Variants in ZNF91 observed in about 807,000 individuals in gnomAD.
The protein encoded by ZNF91 is zinc finger protein 91.
Under a neutral mutation model 12.6 loss-of-function variants are expected in ZNF91, and 7 were observed. The observed-to-expected ratio is 0.55, with a 90% CI of 0.31 to 1.04. The LOEUF (loss-of-function observed/expected upper bound fraction) is 1.04. ZNF91 is among the 50% of genes least tolerant of loss of function. ZNF91 has a pLI of 0.05. For missense variants in ZNF91, 1,217 were observed against 1,385.4 expected (o/e 0.88, Z 1.93); for synonymous variants, 453 against 462.6 (o/e 0.98, Z 0.27).
At chr19:23,323,332 C>T (rs1246310571) in intron 1 of ZNF91, among the ~76,000 whole-genome samples, 2 of 144,010 alleles carry the variant, frequency 1.4e-5, no homozygotes, top group East Asian at 2.2e-4. Flanking sequence ...ATCTTCTCCT[C>T]GTCCTCCTCC....
intron 1 of ZNF91, among the ~76,000 whole-genome samples, chr19:23,323,572 TCTC>T (rs1353111669): frequency 6.7e-6 from 1 of 148,870 alleles, no homozygotes; most frequent in African/African-American, 2.5e-5. Context: ...CTTTTCCTCT[TCTC>T]TTCCTCCCAT....
At chr19:23,375,440 T>C (rs996500524) in intron 1 of ZNF91, among the ~76,000 whole-genome samples, 1 of 152,232 alleles carries the variant, frequency 6.6e-6, no homozygotes, top group East Asian at 1.9e-4. Context: ...ATTACAGGCA[T>C]GAGCCACCAT....
At chr19:23,375,989 G>A (rs1156462314) in intron 1 of ZNF91, among the ~76,000 whole-genome samples, 4 of 152,112 alleles carry the variant, frequency 2.6e-5, no homozygotes, top group Non-Finnish European at 4.4e-5. Flanking sequence ...GGTATCTTCC[G>A]TGTTCTACAA....
intron 1 of ZNF91, among the ~76,000 whole-genome samples, chr19:23,322,363 T>C (rs1967714234): frequency 6.6e-6 from 1 of 152,142 alleles, no homozygotes; most frequent in African/African-American, 2.4e-5. Flanking sequence ...TTGTGATGTA[T>C]CACTAGGCCC....
Position 23,358,911 on chromosome 19 carries a change from G to T in ZNF91, c.*492C>A. 4.4e-6 allele frequency: 1 copy of T among 227,598 alleles called. No individual in the cohort carries two copies. Among genetic ancestry groups the T allele is most frequent in the Non-Finnish European group, 9.2e-6 (1 of 108,660 alleles). The allele number at this position is 227,598 out of a possible 1,614,324, so 14.1% of individuals were successfully genotyped here. A position where few individuals can be genotyped will look rare whatever the true frequency, so the allele number is the denominator to read the frequency against. On this transcript the variant is annotated 3_prime_UTR_variant, in exon 4 of 4. Coordinates refer to ENST00000300619, the MANE Select transcript of ZNF91 (RefSeq NM_003430.4). Reference sequence around the variant, plus strand: ...TAATATTATGTCTGTTAAGAATTCAGGACTTTTTATAGACTTTACCACATT... The same window carrying T: ...TAATATTATGTCTGTTAAGAATTCATGACTTTTTATAGACTTTACCACATT...
At chr19:23,315,865 A>C (rs1042317226) in intron 1 of ZNF91, among the ~76,000 whole-genome samples, 1 of 152,076 alleles carries the variant, frequency 6.6e-6, no homozygotes, top group African/African-American at 2.4e-5. Context: ...GAACCTAAGT[A>C]ATGTGACTCT....
rs1369086504 is a variant in ZNF91 at position 23,368,560 on chromosome 19, C to CTATA, written c.253+5181_253+5182insTATA. On this transcript the variant is annotated intron_variant, in intron 3 of 3. Transcript: ENST00000300619. ...TCTCTCTCTCTCTCTCTCTCTCTCT[C>CTATA]TCTATATATATATGAAACACATGAC... Among the ~76,000 whole-genome samples, 363 of 117,470 alleles carry CTATA rather than the reference C, an allele frequency of 3.1e-3. 1 individual carries two copies. Among genetic ancestry groups the CTATA allele is most frequent in the East Asian group, 0.014 (46 of 3,286 alleles). 77.1% of individuals were successfully genotyped at this position (117,470 alleles called of 152,430 possible).
intron 3 of ZNF91, among the ~76,000 whole-genome samples, chr19:23,340,746 ATAT>A (rs1369226540): frequency 4.7e-5 from 7 of 150,340 alleles, no homozygotes; most frequent in South Asian, 4.2e-4. Context: ...ATTATTTATT[ATAT>A]TATTATTATA....
chr19:23,362,952 C>T (rs776339076), intron 3 of ZNF91, among the ~76,000 whole-genome samples: 13 of 152,094 alleles, frequency 8.5e-5, no homozygotes, highest in Non-Finnish European at 1.8e-4. Flanking sequence ...TGGCTCACAG[C>T]AAGCCCTGCC....
intron 1 of ZNF91, chr19:23,328,339 T>A (rs1195239860): frequency 6.6e-6 from 1 of 152,168 alleles, no homozygotes; most frequent in Admixed American, 6.5e-5. Flanking sequence ...AAGGAAGGCA[T>A]CCTGTGGAAG....
intron 3 of ZNF91, among the ~76,000 whole-genome samples, chr19:23,349,422 T>G (rs1320054495): frequency 6.6e-6 from 1 of 152,136 alleles, no homozygotes; most frequent in Non-Finnish European, 1.5e-5. Context: ...ATTGAAATAT[T>G]GGGGGCTGGT....
Position 23,362,201 on chromosome 19 carries a change from A to G in ZNF91, c.778T>C (p.Cys260Arg). The G allele has an allele frequency of 6.2e-7, 1 of 1,611,252 alleles. No homozygotes were observed. The change falls in exon 4 of 4, where the codon TGT becomes CGT. Residue 260 changes from cysteine to arginine, a missense_variant. This residue lies in a region of ZNF91 where 726 missense variants were observed against 895.5 expected (regional missense o/e 0.81). Transcript: ENST00000300619. ...LSTLTTHKII[C>R]AKEKIYKCEE... is the part of the protein sequence containing the mutation. ...CACTTGTAGATTTTCTCTTTAGCACAGATTATTTTATGTGTAGTAAGGGTT... is the reference window on the plus strand; with the variant it reads ...CACTTGTAGATTTTCTCTTTAGCACGGATTATTTTATGTGTAGTAAGGGTT...
downstream of ZNF91, among the ~76,000 whole-genome samples, chr19:23,354,309 A>C (rs1043005013): frequency 3.9e-5 from 6 of 152,208 alleles, no homozygotes; most frequent in African/African-American, 1.4e-4. Context: ...GGGATGGTTT[A>C]ACACACACAA....
chr19:23,354,491 A>G (rs1310693226), downstream of ZNF91, among the ~76,000 whole-genome samples: 1 of 152,204 alleles, frequency 6.6e-6, no homozygotes, highest in Non-Finnish European at 1.5e-5. Context: ...AAAGCTATCT[A>G]TGACAAGCCC....
intron 1 of ZNF91, among the ~76,000 whole-genome samples, chr19:23,323,294 CCTT>C (rs796582799): frequency 3.8e-4 from 55 of 146,000 alleles, no homozygotes; most frequent in South Asian, 1.4e-3. Context: ...CTCCTCCCCT[CCTT>C]CTCTTCCTCA....
In ZNF91 at chr19:23,331,119, G is replaced by A. The variant is rs114715926; in HGVS notation, n.117-22022C>T. ...TCCTAAATATTTGTGTATTTGCACT[G>A]TTATAGTGCTGCTTCCTCAAGGCCC... is the stretch of plus-strand genomic sequence containing the variant. On this transcript the variant is annotated intron_variant and non_coding_transcript_variant, in intron 1 of 1. Coordinates refer to the ZNF91 transcript ENST00000596528. 5.0e-3 allele frequency among the ~76,000 whole-genome samples: 768 copies of A among 152,248 alleles called. 3 individuals carry two copies. The highest frequency in any genetic ancestry group is 0.018 in the African/African-American group (742 of 41,542).
At chr19:23,379,204 C>T (rs1049432130) in intron 1 of ZNF91, among the ~76,000 whole-genome samples, 4 of 152,094 alleles carry the variant, frequency 2.6e-5, no homozygotes, top group Non-Finnish European at 4.4e-5. Flanking sequence ...AATGAAACTA[C>T]CAAATAGGCA....
intron 1 of ZNF91, among the ~76,000 whole-genome samples, chr19:23,384,375 C>A (rs995668045): frequency 6.6e-6 from 1 of 152,156 alleles, no homozygotes; most frequent in African/African-American, 2.4e-5. Context: ...TCACCGCCCA[C>A]CACGCCGGAA....
intron 3 of ZNF91, among the ~76,000 whole-genome samples, chr19:23,370,381 C>T (rs1969227435): frequency 6.6e-6 from 1 of 152,132 alleles, no homozygotes. Context: ...TTGTCAAGGG[C>T]TAGAGAGAGC....
Sources: gnomAD v4.1 joint callset for allele counts (sites outside exome capture counted in the v4.1 genomes callset) on GRCh38, gnomAD v4.1.1 for gene constraint, gnomAD v4.1.1 regional missense constraint, MANE v1.5 for transcripts, NCBI Gene and HGNC (gene_info 2026-07-23, HGNC 2026-07-21) for gene names.